SON: variants seen among roughly 807,000 people sequenced by gnomAD.
SON encodes SON DNA and RNA binding protein, also known as protein SON.
A neutral mutation model predicts 173.3 loss-of-function variants in SON; 4 were observed. That is an observed-to-expected ratio of 0.02 (90% confidence interval 0.01 to 0.05). The LOEUF (loss-of-function observed/expected upper bound fraction) is 0.05, where lower values mean the gene tolerates loss of function less well. SON is among the 10% of genes least tolerant of loss of function. The pLI is 1.00. For synonymous variants in SON, 1,190 were observed against 1,105.9 expected, an observed-to-expected ratio of 1.08 and a Z score of -1.51; for missense variants, 2,626 against 3,055.3, an observed-to-expected ratio of 0.86 and a Z score of 3.31.
chr21:33,549,189 C>G (rs2085694346), intron 2 of SON, among the ~76,000 whole-genome samples: 1 of 151,220 alleles, frequency 6.6e-6, no homozygotes, highest in Non-Finnish European at 1.5e-5. Flanking sequence ...AGTGATCCGC[C>G]TCAGCCTCCC....
chr21:33,549,324 TG>T, intron 2 of SON, 151 bp from the exon 3 acceptor site: 1 of 553,562 alleles, frequency 1.8e-6, no homozygotes, highest in South Asian at 3.8e-5. Flanking sequence ...CCACCTGCCT[TG>T]GCCTCTCAGA....
intron 2 of SON, among the ~76,000 whole-genome samples, chr21:33,547,814 A>G (rs1249836299): frequency 1.4e-5 from 2 of 141,608 alleles, no homozygotes; most frequent in Non-Finnish European, 3.0e-5. Context: ...TCCCGGGTTC[A>G]CGCCATTGTC....
Position 33,553,354 on chromosome 21 carries a change from G to A in SON, c.4123G>A (p.Val1375Ile). Residue 1375 changes from valine to isoleucine, a missense_variant, in exon 3 of 12, where the codon GTC (valine) becomes ATC (isoleucine). Physicochemically the swap from Val to Ile is conservative, Grantham distance 29 (BLOSUM62 3). This residue lies in a region of SON where 1,006 missense variants were observed against 895.6 expected (regional missense o/e 1.12). Coordinates refer to ENST00000356577, the MANE Select transcript of SON (RefSeq NM_138927.4). ...VTVLESSTVT[V>I]LESSTVTVLE... Reference sequence around the variant, plus strand: ...CGTCCTGGAGTCTTCGACTGTGACTGTCCTGGAGTCTTCGACTGTAACTGT... The same window carrying A: ...CGTCCTGGAGTCTTCGACTGTGACTATCCTGGAGTCTTCGACTGTAACTGT... 1 of 1,611,820 alleles carries A rather than the reference G, an allele frequency of 6.2e-7. No homozygotes were observed. Among genetic ancestry groups the A allele is most frequent in the South Asian group, 1.1e-5 (1 of 91,064 alleles).
chr21:33,549,223 C>A (rs182388422), intron 2 of SON, among the ~76,000 whole-genome samples: 7 of 151,724 alleles, frequency 4.6e-5, no homozygotes, highest in Admixed American at 4.6e-4. Flanking sequence ...TACAGGTGCG[C>A]GTCACCATGC....
chr21:33,559,434 A>T lies in SON; in HGVS notation c.6468+58A>T. 2 of 1,530,422 alleles carry T rather than the reference A, an allele frequency of 1.3e-6. No individual in the cohort carries two copies. Among genetic ancestry groups the T allele is most frequent in the Non-Finnish European group, 1.8e-6 (2 of 1,135,646 alleles). The allele number at this position is 1,530,422 out of a possible 1,614,324, so 94.8% of individuals were successfully genotyped here. ...GTGTAACTTGTGGAACTATTTAAAT[A>T]AAACCCAAATCGAATTTAGTTTATT... On this transcript the variant is annotated intron_variant, in intron 5 of 11. Coordinates refer to ENST00000356577, the MANE Select transcript of SON (RefSeq NM_138927.4). This position sits in a 1 kb window ranked among gnomAD's most constrained non-coding sequence, Gnocchi z 4.1.
rs1264938732 is a variant in SON at position 33,577,106 on chromosome 21, TAAGTCCTGC to T, written c.*684_*692del. The T allele has an allele frequency of 3.2e-5, 5 of 154,760 alleles. No homozygotes were observed. Among genetic ancestry groups the T allele is most frequent in the Non-Finnish European group, 7.2e-5 (5 of 69,414 alleles). The allele number at this position is 154,760 out of a possible 1,614,324, so 9.6% of individuals were successfully genotyped here. On this transcript the variant is annotated 3_prime_UTR_variant, in exon 12 of 12. Coordinates refer to ENST00000356577, the MANE Select transcript of SON (RefSeq NM_138927.4). ...TGGTATGTTGTGTGATGATCAGCACTAAGTCCTGCATTCCTGTTAAAGCCACTTGGGTCA... is the reference window on the plus strand; with the variant it reads ...TGGTATGTTGTGTGATGATCAGCACTATTCCTGTTAAAGCCACTTGGGTCA...
At chr21:33,556,724 AAAAAG>A (rs1359958719) in intron 3 of SON, among the ~76,000 whole-genome samples, 1 of 151,628 alleles carries the variant, frequency 6.6e-6, no homozygotes, top group Non-Finnish European at 1.5e-5. Context: ...AAAAAAAAAA[AAAAAG>A]AGGTGGCACT....
Position 33,549,730 on chromosome 21 carries a change from C to A in SON, c.499C>A (p.Leu167Met), listed in dbSNP as rs766710281. The change falls in exon 3 of 12, where the codon CTG (leucine) becomes ATG (methionine). Residue 167 changes from leucine (L) to methionine (M), a missense_variant. Around this residue, in one of 13 missense-constraint regions of SON, gnomAD observed 757 missense variants for 730.1 expected, o/e 1.04. Transcript: ENST00000356577. ...TGATTCTGAACCTTCAGCTGTGGCG[C>A]TGGAGCTTCCTACAAGAGCATTTGG... ...KFDSEPSAVA[L>M]ELPTRAFGPS... The A allele has an allele frequency of 6.2e-7, 1 of 1,614,012 alleles. No individual in the cohort carries two copies. The highest frequency in any genetic ancestry group is 1.7e-5 in the Admixed American group (1 of 59,998).
intron 6 of SON, among the ~76,000 whole-genome samples, chr21:33,562,484 C>A (rs1178655604): frequency 6.6e-6 from 1 of 152,164 alleles, no homozygotes; most frequent in Non-Finnish European, 1.5e-5. Context: ...CATAAGAGGG[C>A]TGAATTAGCT....
At chr21:33,549,350 G>A in intron 2 of SON, 126 bp from the exon 3 acceptor site, 2 of 744,224 alleles carry the variant, frequency 2.7e-6, no homozygotes, top group South Asian at 5.2e-5. Context: ...TAAGATTACA[G>A]GCGTGAGCCA....
At chr21:33,561,207 A>G (rs2086064725) in intron 6 of SON, among the ~76,000 whole-genome samples, 1 of 152,198 alleles carries the variant, frequency 6.6e-6, no homozygotes, top group Non-Finnish European at 1.5e-5. Context: ...TCACCAGTTA[A>G]GAGGGAGATA....
chr21:33,575,707 A>G, intron 10 of SON, 40 bp downstream of exon 10: 4 of 1,579,516 alleles, frequency 2.5e-6, no homozygotes, highest in Non-Finnish European at 3.5e-6. Flanking sequence ...CCCTAATCCC[A>G]CCTTGAATTC....
intron 3 of SON, 142 bp from the exon 4 acceptor site, chr21:33,557,013 CT>C (rs1010720830): frequency 0.028 from 13,698 of 494,380 alleles, 2 homozygotes; most frequent in South Asian, 0.039. Flanking sequence ...TAGTTTTTTC[CT>C]TTTTTTTTTT....
At position 33,551,662 on chromosome 21, in the gene SON, A is replaced by G. The variant is rs145834756; in HGVS notation, c.2431A>G (p.Met811Val). The G allele has an allele frequency of 1.9e-6, 3 of 1,612,438 alleles. No homozygotes were observed. Among genetic ancestry groups the G allele is most frequent in the East Asian group, 4.5e-5 (2 of 44,866 alleles). The stretch of plus-strand genomic sequence containing the variant: ...CTCCCAGATGTTAGCAACCAGCTCC[A>G]TGGACTCCCAGATGTTAGCAACCAG... ...MDSQMLATSS[M>V]DSQMLATSSM... The change falls in exon 3 of 12, where the codon ATG (methionine) becomes GTG (valine). Residue 811 changes from methionine (M) to valine (V), a missense_variant. Met to Val is a conservative substitution (Grantham distance 21). Transcript: ENST00000356577.
Position 33,550,640 on chromosome 21 carries a change from C to T in SON, c.1409C>T (p.Pro470Leu), listed in dbSNP as rs1275344218. Residue 470 changes from proline to leucine, a missense_variant, in exon 3 of 12, where the codon CCA (proline) becomes CTA (leucine). By Grantham distance (98) the Pro-to-Leu change is moderately conservative. Around this residue, in one of 13 missense-constraint regions of SON, gnomAD observed 757 missense variants for 730.1 expected, o/e 1.04. Coordinates refer to ENST00000356577, the MANE Select transcript of SON (RefSeq NM_138927.4). ...SMGLEPPQEV[P>L]EPPVMAQELP... ...GGGTTGGAGCCACCACAGGAGGTAC[C>T]AGAGCCACCTGTGATGGCACAGGAG... 2.5e-6 allele frequency: 4 copies of T among 1,613,830 alleles called. No individual in the cohort carries two copies. In the African/African-American group the frequency reaches 4.0e-5, roughly 16 times the overall value.
chr21:33,547,430 A>G (rs1193267326), intron 2 of SON, among the ~76,000 whole-genome samples: 2 of 152,172 alleles, frequency 1.3e-5, no homozygotes, highest in Non-Finnish European at 2.9e-5. Flanking sequence ...TGATGTTTAG[A>G]AATGAAGGAT....
chr21:33,564,613 A>C (rs1417558976), intron 6 of SON, among the ~76,000 whole-genome samples: 2 of 152,168 alleles, frequency 1.3e-5, no homozygotes. Flanking sequence ...GTAATCCCAG[A>C]AATTTGGGAG....
Position 33,552,012 on chromosome 21 carries a change from C to G in SON, c.2781C>G (p.Pro927=). Residue 927 remains proline, a synonymous_variant, in exon 3 of 12, where the codon CCC becomes CCG. Coordinates refer to ENST00000356577, the MANE Select transcript of SON (RefSeq NM_138927.4). This position sits in a 1 kb window ranked among gnomAD's most constrained non-coding sequence, Gnocchi z 5.6. ...ATCCTTACAGGTTAGCTCAGGATCC[C>G]TATAGGTTGGGCCATGACCCCTATA... ...AQDPYRLAQD[P]YRLGHDPYRL... 1 of 1,614,052 alleles carries G rather than the reference C, an allele frequency of 6.2e-7. No individual in the cohort carries two copies. Among genetic ancestry groups the G allele is most frequent in the South Asian group, 1.1e-5 (1 of 91,074 alleles).
In SON at chr21:33,551,986, G is replaced by A. The variant is rs1305492535; in HGVS notation, c.2755G>A (p.Asp919Asn). 1.9e-6 allele frequency: 3 copies of A among 1,613,892 alleles called. No homozygotes were observed. Among genetic ancestry groups the A allele is most frequent in the East Asian group, 2.2e-5 (1 of 44,876 alleles). Residue 919 changes from aspartate to asparagine, a missense_variant, in exon 3 of 12, where the codon GAT (aspartate) becomes AAT (asparagine). Physicochemically the swap from Asp to Asn is conservative, Grantham distance 23 (BLOSUM62 1). Coordinates refer to ENST00000356577, the MANE Select transcript of SON (RefSeq NM_138927.4). ...KSPDPYRLAQ[D>N]PYRLAQDPYR... ...TCCTGATCCCTATAGGTTAGCTCAG[G>A]ATCCTTACAGGTTAGCTCAGGATCC...
Sources: allele counts gnomAD v4.1 joint callset (sites outside exome capture counted in the v4.1 genomes callset), GRCh38; gene constraint gnomAD v4.1.1; regional missense constraint gnomAD v4.1.1; non-coding constraint Gnocchi (gnomAD v3.1); transcripts MANE v1.5; gene names NCBI Gene and HGNC (gene_info 2026-07-23, HGNC 2026-07-21).